Variants in UNC5C observed in about 807,000 individuals in gnomAD.
The protein encoded by UNC5C is netrin receptor UNC5C.
In UNC5C, 47 loss-of-function variants were observed where a neutral mutation model predicts 99.8. The observed-to-expected ratio is 0.47, with a 90% CI of 0.37 to 0.60. The LOEUF (loss-of-function observed/expected upper bound fraction) is 0.60. UNC5C is among the 20% of genes least tolerant of loss of function. The pLI is 0.00. For synonymous variants in UNC5C, 487 were observed against 452.2 expected (o/e 1.08, Z -0.98); for missense variants, 1,062 against 1,165.9 (o/e 0.91, Z 1.30).
chr4:95,534,929 GTTAA>G (rs140845447), intron 1 of UNC5C, among the ~76,000 whole-genome samples: 124 of 152,242 alleles, frequency 8.1e-4, no homozygotes, highest in African/African-American at 2.8e-3. Flanking sequence ...AGTGAGGAAG[GTTAA>G]TTGTTTCTGT....
At chr4:95,416,804 G>T (rs1200654458) in intron 1 of UNC5C, among the ~76,000 whole-genome samples, 3 of 152,108 alleles carry the variant, frequency 2.0e-5, no homozygotes, top group Non-Finnish European at 4.4e-5. Flanking sequence ...ATTTAATAGC[G>T]TGTGCAATGT....
chr4:95,181,125 C>A (rs1293983168), intron 14 of UNC5C, among the ~76,000 whole-genome samples: 6 of 152,152 alleles, frequency 3.9e-5, no homozygotes, highest in Non-Finnish European at 8.8e-5. Context: ...CCCTTAATCC[C>A]CCAAAGTCAT....
Position 95,242,228 on chromosome 4 carries a change from G to A in UNC5C, c.1108+201C>T, listed in dbSNP as rs374146060. On this transcript the variant is annotated intron_variant, in intron 7 of 15. Coordinates refer to ENST00000453304, the MANE Select transcript of UNC5C (RefSeq NM_003728.4). ...GAAAAAGCAATATTGCATGCCATTT[G>A]TTAGCCGGACATAGTTACTTTTTAT... Among the ~76,000 whole-genome samples, 21 of 152,258 alleles carry A rather than the reference G, an allele frequency of 1.4e-4. No individual in the cohort carries two copies. The East Asian group carries it at 1.9e-3, about 14-fold the overall frequency.
chr4:95,451,578 A>G (rs1163916532), intron 1 of UNC5C, among the ~76,000 whole-genome samples: 1 of 152,196 alleles, frequency 6.6e-6, no homozygotes, highest in African/African-American at 2.4e-5. Context: ...ATATCCTAAC[A>G]TTTGCTAAAT....
chr4:95,548,909 A>T lies in UNC5C; in HGVS notation c.-52T>A. 1 of 1,605,760 alleles carries T rather than the reference A, an allele frequency of 6.2e-7. No homozygotes were observed. The highest frequency in any genetic ancestry group is 8.5e-7 in the Non-Finnish European group (1 of 1,176,132). ...GGGAGGGGGACAGAGAGACGCGCAAACAGCTGAAAGCCCCACTGGGCAGAA... is the reference window on the plus strand; with the variant it reads ...GGGAGGGGGACAGAGAGACGCGCAATCAGCTGAAAGCCCCACTGGGCAGAA... On this transcript the variant is annotated 5_prime_UTR_variant, in exon 1 of 16. Transcript: ENST00000453304.
At chr4:95,321,058 A>G (rs571804883) in intron 2 of UNC5C, among the ~76,000 whole-genome samples, 51 of 152,228 alleles carry the variant, frequency 3.4e-4, no homozygotes, top group Non-Finnish European at 6.3e-4. Context: ...TTTACTTTGC[A>G]ATCATGTTCT....
intron 2 of UNC5C, among the ~76,000 whole-genome samples, chr4:95,305,491 A>G (rs1189861837): frequency 2.0e-5 from 3 of 152,148 alleles, no homozygotes; most frequent in Non-Finnish European, 4.4e-5. Context: ...CATTACTTCT[A>G]AGGTGGGTTG....
At chr4:95,326,568 T>C (rs1560787397) in intron 2 of UNC5C, among the ~76,000 whole-genome samples, 2 of 152,164 alleles carry the variant, frequency 1.3e-5, no homozygotes, top group Non-Finnish European at 1.5e-5. Flanking sequence ...TATTGAAAAT[T>C]TCTGAATCAT....
intron 12 of UNC5C, among the ~76,000 whole-genome samples, chr4:95,202,147 C>T (rs1359765078): frequency 1.3e-5 from 2 of 152,186 alleles, no homozygotes; most frequent in South Asian, 4.1e-4. Flanking sequence ...CCTCCTCAAC[C>T]TTGGCATACT....
chr4:95,186,542 G>C (rs191677098), intron 12 of UNC5C, among the ~76,000 whole-genome samples: 1 of 152,182 alleles, frequency 6.6e-6, no homozygotes, highest in African/African-American at 2.4e-5. Context: ...AAGATGCTGC[G>C]TTAGTGGTTC....
At chr4:95,282,652 T>A (rs1177868207) in intron 3 of UNC5C, among the ~76,000 whole-genome samples, 3 of 152,150 alleles carry the variant, frequency 2.0e-5, no homozygotes, top group Non-Finnish European at 4.4e-5. Context: ...GAATCTGACC[T>A]AATGTTAACA....
chr4:95,545,861 G>C (rs1419140581), intron 1 of UNC5C, among the ~76,000 whole-genome samples: 3 of 152,058 alleles, frequency 2.0e-5, no homozygotes, highest in Admixed American at 1.3e-4. Flanking sequence ...CTGGAGCTAG[G>C]AGTTCCCAGC....
At chr4:95,426,623 G>A (rs1560828765) in intron 1 of UNC5C, among the ~76,000 whole-genome samples, 1 of 152,210 alleles carries the variant, frequency 6.6e-6, no homozygotes. Context: ...CCAATTAAAA[G>A]TGCTACTCCA....
intron 14 of UNC5C, among the ~76,000 whole-genome samples, chr4:95,175,883 A>G (rs917678557): frequency 2.0e-5 from 3 of 151,694 alleles, no homozygotes; most frequent in Admixed American, 1.3e-4. Context: ...AGGTACACCA[A>G]TCAGATGTAG....
chr4:95,203,949 G>A (rs1737783123), intron 11 of UNC5C, among the ~76,000 whole-genome samples: 1 of 152,060 alleles, frequency 6.6e-6, no homozygotes, highest in Admixed American at 6.6e-5. Flanking sequence ...GCAGGCAGCT[G>A]TCCCAAGTCC....
intron 3 of UNC5C, among the ~76,000 whole-genome samples, chr4:95,291,775 AT>A (rs1287271025): frequency 3.3e-5 from 5 of 152,172 alleles, no homozygotes; most frequent in Non-Finnish European, 5.9e-5. Context: ...TTGTTTAAAT[AT>A]TTTTCCCTTA....
In UNC5C at chr4:95,398,044, C is replaced by CTTTTTTTTTTTTTTTT. The variant is rs34609153; in HGVS notation, c.125-62429_125-62414dup. Among the ~76,000 whole-genome samples, 542 of 95,794 alleles carry CTTTTTTTTTTTTTTTT rather than the reference C, an allele frequency of 5.7e-3. 58 individuals are homozygous for CTTTTTTTTTTTTTTTT. Among genetic ancestry groups the CTTTTTTTTTTTTTTTT allele is most frequent in the African/African-American group, 0.021 (431 of 20,384 alleles). 62.8% of individuals were successfully genotyped at this position (95,794 alleles called of 152,430 possible). On this transcript the variant is annotated intron_variant, in intron 1 of 15. Transcript: ENST00000453304. ...CCCAATGAGAAGTAGCCAAATGTAG[C>CTTTTTTTTTTTTTTTT]TTTTTTTTTTTTTTTTTTTGCTTAT...
At chr4:95,170,453 TCTTA>T in intron 14 of UNC5C, 121 bp from the exon 15 acceptor site, 1 of 1,222,892 alleles carries the variant, frequency 8.2e-7, no homozygotes, top group African/African-American at 1.5e-5. Context: ...CTGTTATTCT[TCTTA>T]GGAAGAATGG....
intron 2 of UNC5C, among the ~76,000 whole-genome samples, chr4:95,321,021 C>T (rs1742667991): frequency 6.6e-6 from 1 of 152,012 alleles, no homozygotes; most frequent in African/African-American, 2.4e-5. Flanking sequence ...GCTAAAATTG[C>T]ATTGAAAGGT....
Sources: gnomAD v4.1 joint callset for allele counts (sites outside exome capture counted in the v4.1 genomes callset) on GRCh38, gnomAD v4.1.1 for gene constraint, MANE v1.5 for transcripts, NCBI Gene and HGNC (gene_info 2026-07-23, HGNC 2026-07-21) for gene names.